TSHZ3: variants seen among roughly 807,000 people sequenced by gnomAD.
The protein encoded by TSHZ3 is teashirt zinc finger homeobox 3, also known as teashirt homolog 3.
A neutral mutation model predicts 64.5 loss-of-function variants in TSHZ3; 10 were observed. That is an observed-to-expected ratio of 0.16 (90% CI 0.10 to 0.26). TSHZ3 has a LOEUF of 0.26. Ranked by LOEUF, TSHZ3 falls within the 10% of genes least tolerant of loss-of-function variation. TSHZ3 has a pLI of 1.00. For missense variants in TSHZ3, 1,242 were observed against 1,421.7 expected (o/e 0.87, Z 2.03); for synonymous variants, 608 against 593.1 (o/e 1.03, Z -0.36).
At chr19:31,172,397 CATG>C (rs1251437124) in intron 5 of TSHZ3, among the ~76,000 whole-genome samples, 7 of 152,188 alleles carry the variant, frequency 4.6e-5, no homozygotes, top group African/African-American at 1.7e-4. Context: ...CTTCAATAGT[CATG>C]GTGGTGGCAG....
At chr19:31,182,944 AT>A (rs1186478395) in intron 5 of TSHZ3, among the ~76,000 whole-genome samples, 1 of 152,170 alleles carries the variant, frequency 6.6e-6, no homozygotes, top group Non-Finnish European at 1.5e-5. Flanking sequence ...CATTTAAATC[AT>A]TAGATTTAGA....
intron 1 of TSHZ3, among the ~76,000 whole-genome samples, chr19:31,257,517 G>A (rs960839456): frequency 6.6e-6 from 1 of 152,216 alleles, no homozygotes; most frequent in African/African-American, 2.4e-5. Flanking sequence ...TGGGCAATGG[G>A]GCTCCACCCC....
chr19:31,243,918 G>A (rs932189732), intron 1 of TSHZ3, among the ~76,000 whole-genome samples: 22 of 152,290 alleles, frequency 1.4e-4, no homozygotes, highest in Admixed American at 1.4e-3. Context: ...GCTCTACCCT[G>A]AGGGTGGTTA....
chr19:31,273,991 G>A (rs532631978), downstream of TSHZ3, among the ~76,000 whole-genome samples: 1 of 152,240 alleles, frequency 6.6e-6, no homozygotes, highest in African/African-American at 2.4e-5. Flanking sequence ...CTAAAAACCC[G>A]GAGAAAGATG....
At chr19:31,177,045 T>C (rs1191869592) in intron 5 of TSHZ3, among the ~76,000 whole-genome samples, 1 of 152,162 alleles carries the variant, frequency 6.6e-6, no homozygotes, top group African/African-American at 2.4e-5. Flanking sequence ...TATGTGCATA[T>C]GGGGCAATGA....
chr19:31,170,989 T>G, intron 5 of TSHZ3, among the ~76,000 whole-genome samples: 1 of 152,172 alleles, frequency 6.6e-6, no homozygotes, highest in East Asian at 1.9e-4. Context: ...GTGGAACCCT[T>G]CAATGGAGAA....
chr19:31,183,686 G>A (rs958830702), intron 5 of TSHZ3, among the ~76,000 whole-genome samples: 20 of 152,104 alleles, frequency 1.3e-4, no homozygotes, highest in Admixed American at 1.3e-3. Flanking sequence ...AACCTGTAAG[G>A]AGGGAGAGGT....
chr19:31,215,009 TAAAATTTTTAAA>T (rs1975308328), intron 4 of TSHZ3, among the ~76,000 whole-genome samples: 1 of 144,364 alleles, frequency 6.9e-6, no homozygotes, highest in South Asian at 2.2e-4. Flanking sequence ...GGGATTAAAA[TAAAATTTTTAAA>T]AAGTTGGCAG....
chr19:31,177,108 T>A (rs567914996), intron 5 of TSHZ3, among the ~76,000 whole-genome samples: 1 of 152,248 alleles, frequency 6.6e-6, no homozygotes, highest in South Asian at 2.1e-4. Flanking sequence ...TCCTGCCCTA[T>A]CCCAGCAGAC....
At chr19:31,195,320 A>G (rs1974970315) in intron 5 of TSHZ3, among the ~76,000 whole-genome samples, 1 of 152,140 alleles carries the variant, frequency 6.6e-6, no homozygotes, top group Non-Finnish European at 1.5e-5. Flanking sequence ...AATCAAACAT[A>G]AAGAAAAATA....
intron 5 of TSHZ3, among the ~76,000 whole-genome samples, chr19:31,166,093 G>T (rs1325831519): frequency 6.6e-6 from 1 of 152,160 alleles, no homozygotes. Context: ...TTCTAATTCA[G>T]TTATTCCTGC....
intron 1 of TSHZ3, among the ~76,000 whole-genome samples, chr19:31,287,250 T>C (rs1283521084): frequency 6.6e-6 from 1 of 152,116 alleles, no homozygotes; most frequent in East Asian, 1.9e-4. Context: ...CCTGTGAGAG[T>C]TAGCATTTTC....
rs541730626 is a variant in TSHZ3 at position 31,323,396 on chromosome 19, A to G, written c.40+25784T>C. Among the ~76,000 whole-genome samples, 99 of 152,374 alleles carry G rather than the reference A, an allele frequency of 6.5e-4. 1 individual carries two copies. The highest frequency in any genetic ancestry group is 3.4e-3 in the Middle Eastern group (1 of 294). ...CTATGATCCAATGGTGAGCTCCCGT[A>G]AATAGGTTTAATTGTAAAACATCAC... On this transcript the variant is annotated intron_variant, in intron 1 of 1. Coordinates refer to ENST00000240587, the MANE Select transcript of TSHZ3 (RefSeq NM_020856.4).
intron 5 of TSHZ3, among the ~76,000 whole-genome samples, chr19:31,164,580 T>C (rs1974418200): frequency 1.3e-5 from 2 of 151,970 alleles, no homozygotes; most frequent in Non-Finnish European, 2.9e-5. Flanking sequence ...GAGCCTCGGG[T>C]CCCAGTCTGA....
intron 5 of TSHZ3, among the ~76,000 whole-genome samples, chr19:31,196,629 A>G (rs1043056644): frequency 2.0e-5 from 3 of 151,988 alleles, no homozygotes; most frequent in Non-Finnish European, 4.4e-5. Context: ...ATGGATGGAG[A>G]AAGACATACC....
At chr19:31,300,136 C>A (rs1280994469) in intron 1 of TSHZ3, among the ~76,000 whole-genome samples, 1 of 152,130 alleles carries the variant, frequency 6.6e-6, no homozygotes, top group African/African-American at 2.4e-5. Flanking sequence ...ATCCCACAAG[C>A]CTTCCATTGA....
Position 31,349,265 on chromosome 19 carries a change from G to A in TSHZ3, c.-46C>T, listed in dbSNP as rs1237157874. 4.6e-6 allele frequency: 7 copies of A among 1,507,152 alleles called. No homozygotes were observed. Among genetic ancestry groups the A allele is most frequent in the South Asian group, 1.2e-5 (1 of 80,908 alleles). 93.4% of individuals were successfully genotyped at this position (1,507,152 alleles called of 1,614,324 possible). Reference sequence around the variant, plus strand: ...CACTGCCGCCGCCGCCGCCGCTGCCGGGCTGAGGACAGGGAGGGAGGGGGC... The same window carrying A: ...CACTGCCGCCGCCGCCGCCGCTGCCAGGCTGAGGACAGGGAGGGAGGGGGC... On this transcript the variant is annotated 5_prime_UTR_variant, in exon 1 of 2. Transcript: ENST00000240587.
At position 31,276,437 on chromosome 19, in the gene TSHZ3, G is replaced by C. The variant is rs1182098537; in HGVS notation, c.*110C>G. On this transcript the variant is annotated 3_prime_UTR_variant, in exon 2 of 2. Coordinates refer to ENST00000240587, the MANE Select transcript of TSHZ3 (RefSeq NM_020856.4). ...ACAGTCCAGCCCAGAGTGATTCTCT[G>C]CAGTTAAAATAAGAACATGTGCCAA... is the stretch of plus-strand genomic sequence containing the variant. 5.4e-5 allele frequency: 55 copies of C among 1,026,480 alleles called. No individual in the cohort carries two copies. In the East Asian group the frequency reaches 1.3e-3, roughly 24 times the overall value. 63.6% of individuals were successfully genotyped at this position (1,026,480 alleles called of 1,614,324 possible).
At chr19:31,226,078 C>T (rs973168225) in intron 4 of TSHZ3, among the ~76,000 whole-genome samples, 12 of 151,610 alleles carry the variant, frequency 7.9e-5, no homozygotes, top group Admixed American at 2.0e-4. Flanking sequence ...GTGAGCCAAC[C>T]TCATGCCACT....
Sources: gnomAD v4.1 joint callset for allele counts (sites outside exome capture counted in the v4.1 genomes callset) on GRCh38, gnomAD v4.1.1 for gene constraint, MANE v1.5 for transcripts, NCBI Gene and HGNC (gene_info 2026-07-23, HGNC 2026-07-21) for gene names.